TBC1D5: variants seen among roughly 807,000 people sequenced by gnomAD.
The protein encoded by TBC1D5 is TBC1 domain family member 5.
TBC1D5 carries 75 observed loss-of-function variants against 100.3 expected under a neutral mutation model. The observed-to-expected ratio is 0.75, with a 90% CI of 0.62 to 0.91. The LOEUF is 0.91. TBC1D5 is among the 40% of genes least tolerant of loss of function. The pLI is 0.00. For synonymous variants in TBC1D5, 323 were observed against 325.6 expected (o/e 0.99, Z 0.09); for missense variants, 910 against 942.4 (o/e 0.97, Z 0.45).
chr3:17,337,367 G>A (rs2088078255), intron 13 of TBC1D5: 1 of 151,994 alleles, frequency 6.6e-6, no homozygotes, highest in South Asian at 2.1e-4. Flanking sequence ...GGCCCAATTG[G>A]ACTAAAAGAA....
chr3:17,355,528 A>G (rs1463347935), intron 13 of TBC1D5, among the ~76,000 whole-genome samples: 3 of 152,162 alleles, frequency 2.0e-5, no homozygotes, highest in Non-Finnish European at 4.4e-5. Flanking sequence ...GAAGAACACA[A>G]TCATCATCAT....
intron 1 of TBC1D5, among the ~76,000 whole-genome samples, chr3:17,739,112 C>T (rs2077191016): frequency 6.6e-6 from 1 of 152,110 alleles, no homozygotes; most frequent in Non-Finnish European, 1.5e-5. Flanking sequence ...TGCTGACCAT[C>T]CCACCACCCC....
intron 1 of TBC1D5, among the ~76,000 whole-genome samples, chr3:17,626,590 G>C (rs1003423262): frequency 2.6e-5 from 4 of 152,104 alleles, no homozygotes; most frequent in Non-Finnish European, 5.9e-5. Context: ...AAGCAAAACA[G>C]GAATTCAGAA....
At chr3:17,706,239 C>T (rs1186632908) in intron 1 of TBC1D5, 2 of 1,548,906 alleles carry the variant, frequency 1.3e-6, no homozygotes, top group African/African-American at 1.4e-5. Context: ...GCGGCCACCA[C>T]ATTGATATTT....
intron 2 of TBC1D5, among the ~76,000 whole-genome samples, chr3:17,592,380 G>T (rs967952310): frequency 6.6e-6 from 1 of 152,178 alleles, no homozygotes; most frequent in Non-Finnish European, 1.5e-5. Context: ...GGAAGTAAAT[G>T]TGACTAAAAT....
chr3:17,157,955 T>G (rs956949863), exon 22 of TBC1D5: 3 of 152,244 alleles, frequency 2.0e-5, no homozygotes, highest in African/African-American at 7.2e-5. Flanking sequence ...AGGGAGGTCC[T>G]GGTTTATTTT....
intron 15 of TBC1D5, among the ~76,000 whole-genome samples, chr3:17,263,650 T>C (rs375675660): frequency 6.6e-6 from 1 of 152,194 alleles, no homozygotes; most frequent in African/African-American, 2.4e-5. Flanking sequence ...ATCAAACCCA[T>C]GGCAGGGACA....
At chr3:17,708,040 CTAGAGA>C (rs774705522) in intron 1 of TBC1D5, among the ~76,000 whole-genome samples, 1 of 152,166 alleles carries the variant, frequency 6.6e-6, no homozygotes, top group Non-Finnish European at 1.5e-5. Context: ...AAAGGAATAA[CTAGAGA>C]TAAAGTTGAC....
chr3:17,624,548 C>G (rs2062912253), intron 1 of TBC1D5, among the ~76,000 whole-genome samples: 1 of 151,948 alleles, frequency 6.6e-6, no homozygotes, highest in African/African-American at 2.4e-5. Flanking sequence ...TAACTGTGAT[C>G]TTAAATTACA....
chr3:17,196,477 G>C (rs2070701562), intron 18 of TBC1D5, among the ~76,000 whole-genome samples: 1 of 152,190 alleles, frequency 6.6e-6, no homozygotes, highest in African/African-American at 2.4e-5. Context: ...TTCCTGAGGG[G>C]CTGGGGAGGA....
intron 1 of TBC1D5, among the ~76,000 whole-genome samples, chr3:17,656,483 T>C (rs1377745729): frequency 6.6e-6 from 1 of 152,226 alleles, no homozygotes; most frequent in Non-Finnish European, 1.5e-5. Flanking sequence ...AGTAAGTTTA[T>C]TTGATATGTT....
At chr3:17,324,936 A>G (rs555254500) in intron 13 of TBC1D5, among the ~76,000 whole-genome samples, 10 of 152,232 alleles carry the variant, frequency 6.6e-5, no homozygotes, top group Non-Finnish European at 7.3e-5. Context: ...AGAAATGACA[A>G]AACCAAATCC....
intron 1 of TBC1D5, chr3:17,706,382 T>A (rs762180321): frequency 8.9e-7 from 1 of 1,120,740 alleles, no homozygotes; most frequent in Non-Finnish European, 1.2e-6. Flanking sequence ...AATAAATTCC[T>A]AGGTTTAATC....
intron 13 of TBC1D5, among the ~76,000 whole-genome samples, chr3:17,342,750 T>C (rs1449018676): frequency 2.6e-5 from 4 of 152,192 alleles, no homozygotes; most frequent in South Asian, 2.1e-4. Flanking sequence ...TATGCACATA[T>C]AATATATAAA....
At chr3:17,672,635 T>G (rs1197883329) in intron 1 of TBC1D5, 2 of 152,194 alleles carry the variant, frequency 1.3e-5, no homozygotes, top group South Asian at 2.1e-4. Flanking sequence ...TCAGAGGACA[T>G]CTGTTGAAAA....
chr3:17,616,869 G>A (rs2062210335), intron 2 of TBC1D5, among the ~76,000 whole-genome samples: 1 of 151,992 alleles, frequency 6.6e-6, no homozygotes, highest in Non-Finnish European at 1.5e-5. Flanking sequence ...CTTTTAATTG[G>A]GGCATTTAGC....
At chr3:17,323,125 A>G (rs1403359321) in intron 13 of TBC1D5, among the ~76,000 whole-genome samples, 1 of 152,224 alleles carries the variant, frequency 6.6e-6, no homozygotes, top group Non-Finnish European at 1.5e-5. Context: ...AACATTCAAA[A>G]TTTACAGCAC....
chr3:17,443,389 C>T (rs563555664), intron 3 of TBC1D5, among the ~76,000 whole-genome samples: 4 of 152,336 alleles, frequency 2.6e-5, no homozygotes, highest in African/African-American at 9.6e-5. Context: ...GATACCATAA[C>T]TCATACCCTA....
chr3:17,574,076 G>A (rs1180794946), intron 2 of TBC1D5, among the ~76,000 whole-genome samples: 5 of 151,826 alleles, frequency 3.3e-5, no homozygotes, highest in African/African-American at 4.8e-5. Context: ...CTGCTTGGTC[G>A]CTCTCACCTC....
Sources: allele counts gnomAD v4.1 joint callset (sites outside exome capture counted in the v4.1 genomes callset), GRCh38; gene constraint gnomAD v4.1.1; transcripts MANE v1.5; gene names NCBI Gene and HGNC (gene_info 2026-07-23, HGNC 2026-07-21).